The following CNKSR3 variants were observed in gnomAD, a reference collection of about 807,000 sequenced individuals.
CNKSR3 encodes CNKSR family member 3.
In CNKSR3, 36 loss-of-function variants were observed where a neutral mutation model predicts 67.7. The observed-to-expected ratio is 0.53, with a 90% CI of 0.41 to 0.70. CNKSR3 has a LOEUF of 0.70. Among genes scored for constraint, CNKSR3 ranks in the 30% least tolerant of loss-of-function variants. CNKSR3 has a pLI of 0.00. For missense variants in CNKSR3, 630 were observed against 695.2 expected, an observed-to-expected ratio of 0.91 and a Z score of 1.05; for synonymous variants, 281 against 271.4, an observed-to-expected ratio of 1.04 and a Z score of -0.35.
rs894217989 is a variant in CNKSR3, at chr6:154,411,598, C to T, written c.1071-456G>A. Among the ~76,000 whole-genome samples, 3 of 142,632 alleles carry T rather than the reference C, an allele frequency of 2.1e-5. No individual in the cohort carries two copies. In the Admixed American group the frequency reaches 2.2e-4, roughly 11 times the overall value. 93.6% of individuals were successfully genotyped at this position (142,632 alleles called of 152,430 possible). ...ACAGTGAGCTGAGATCATGCCACTG[C>T]ACTCCAGCCTGGGCAATGGAGCGAG... On this transcript the variant is annotated intron_variant, in intron 10 of 12. Coordinates refer to ENST00000607772, the MANE Select transcript of CNKSR3 (RefSeq NM_173515.4).
At chr6:154,411,914 C>G (rs1784920732) in intron 10 of CNKSR3, among the ~76,000 whole-genome samples, 1 of 152,288 alleles carries the variant, frequency 6.6e-6, no homozygotes, top group East Asian at 1.9e-4. Context: ...TTTATAGTAA[C>G]CAATGGAGAG....
intron 5 of CNKSR3, 127 bp from the exon 6 acceptor site, chr6:154,430,718 T>C: frequency 1.2e-6 from 1 of 867,114 alleles, no homozygotes; most frequent in Non-Finnish European, 1.8e-6. Context: ...TTGATAATTC[T>C]GCTCAGTGAA....
intron 9 of CNKSR3, among the ~76,000 whole-genome samples, chr6:154,421,111 T>G (rs1301113833): frequency 2.6e-5 from 4 of 152,154 alleles, no homozygotes; most frequent in Non-Finnish European, 4.4e-5. Flanking sequence ...CCTCCTGGGT[T>G]CAAGCAACTC....
At chr6:154,461,375 C>A (rs1403620585) in intron 1 of CNKSR3, among the ~76,000 whole-genome samples, 2 of 152,144 alleles carry the variant, frequency 1.3e-5, no homozygotes, top group African/African-American at 4.8e-5. Context: ...TTTGGCACCA[C>A]GGGATGCATT....
chr6:154,425,137 C>T (rs1482478898), intron 7 of CNKSR3, among the ~76,000 whole-genome samples: 2 of 152,188 alleles, frequency 1.3e-5, no homozygotes, highest in Non-Finnish European at 2.9e-5. Flanking sequence ...CCCTGTGTGC[C>T]AGATGCTTAA....
chr6:154,476,820 T>C (rs572630186), intron 1 of CNKSR3, among the ~76,000 whole-genome samples: 46 of 152,328 alleles, frequency 3.0e-4, no homozygotes, highest in African/African-American at 1.1e-3. Context: ...AAATTTATTT[T>C]AGAAAGGTTT....
At chr6:154,502,252 C>T (rs1787013222) in intron 1 of CNKSR3, among the ~76,000 whole-genome samples, 1 of 151,064 alleles carries the variant, frequency 6.6e-6, no homozygotes, top group African/African-American at 2.4e-5. Context: ...AGTGCAGTGG[C>T]ACGATCTCAG....
At chr6:154,419,477 G>A (rs1000861940) in intron 9 of CNKSR3, among the ~76,000 whole-genome samples, 3 of 152,322 alleles carry the variant, frequency 2.0e-5, no homozygotes, top group South Asian at 2.1e-4. Flanking sequence ...TGTTGGAATG[G>A]CTACTATCAA....
Position 154,389,102 on chromosome 6 carries a change from A to G in CNKSR3, c.*17252T>C, listed in dbSNP as rs1784579928. ...GTGAGAAGCTTTGTGATTTGATGTA[A>G]CTTTGCTTATTTTTGTTTTTGTTGC... On this transcript the variant is annotated 3_prime_UTR_variant, in exon 13 of 13. Transcript: ENST00000607772. 6.6e-6 allele frequency: 1 copy of G among 152,132 alleles called. No homozygotes were observed. The highest frequency in any genetic ancestry group is 2.1e-4 in the South Asian group (1 of 4,826). The allele number at this position is 152,132 out of a possible 1,614,324, so 9.4% of individuals were successfully genotyped here.
At chr6:154,436,680 C>T (rs1439814034) in intron 4 of CNKSR3, among the ~76,000 whole-genome samples, 4 of 152,050 alleles carry the variant, frequency 2.6e-5, no homozygotes, top group African/African-American at 9.7e-5. Context: ...CAGACTGAAA[C>T]TCAGCACCTG....
At chr6:154,410,721 T>G (rs1784892535) in intron 11 of CNKSR3, among the ~76,000 whole-genome samples, 1 of 152,136 alleles carries the variant, frequency 6.6e-6, no homozygotes, top group African/African-American at 2.4e-5. Flanking sequence ...TCTCACCCAG[T>G]TGGGCTTTCA....
At chr6:154,492,565 G>A (rs1444049682) in intron 1 of CNKSR3, among the ~76,000 whole-genome samples, 1 of 151,996 alleles carries the variant, frequency 6.6e-6, no homozygotes, top group African/African-American at 2.4e-5. Context: ...GGCCAACATG[G>A]TGAAACCCCA....
At chr6:154,413,536 G>GT (rs1784951638) in intron 10 of CNKSR3, among the ~76,000 whole-genome samples, 3 of 151,662 alleles carry the variant, frequency 2.0e-5, no homozygotes, top group Admixed American at 6.6e-5. Flanking sequence ...GGCCACATAG[G>GT]TTTTTTTTCA....
rs1162868514 is a variant in CNKSR3 at position 154,396,340 on chromosome 6, T to C, written c.*10014A>G. On this transcript the variant is annotated 3_prime_UTR_variant, in exon 13 of 13. Coordinates refer to ENST00000607772, the MANE Select transcript of CNKSR3 (RefSeq NM_173515.4). Reference sequence around the variant, plus strand: ...GATTGAGTTCTGACACCTGGTATAATGTTTTCTTTAAAATGAGAGCCAATG... The same window carrying C: ...GATTGAGTTCTGACACCTGGTATAACGTTTTCTTTAAAATGAGAGCCAATG... 1 of 152,234 alleles carries C rather than the reference T, an allele frequency of 6.6e-6. No individual in the cohort carries two copies. The highest frequency in any genetic ancestry group is 1.5e-5 in the Non-Finnish European group (1 of 68,048). 9.4% of individuals were successfully genotyped at this position (152,234 alleles called of 1,614,324 possible).
intron 1 of CNKSR3, among the ~76,000 whole-genome samples, chr6:154,476,141 C>T (rs1474703862): frequency 1.3e-5 from 2 of 152,038 alleles, no homozygotes; most frequent in Non-Finnish European, 2.9e-5. Flanking sequence ...CAAGTACATT[C>T]GCTTGACTTA....
chr6:154,431,888 A>G (rs888195155), intron 5 of CNKSR3, among the ~76,000 whole-genome samples: 3 of 152,110 alleles, frequency 2.0e-5, no homozygotes, highest in African/African-American at 7.2e-5. Flanking sequence ...GATGTACAAC[A>G]GTTTGTTTAT....
chr6:154,506,935 C>T (rs1028356701), intron 1 of CNKSR3, among the ~76,000 whole-genome samples: 21 of 152,212 alleles, frequency 1.4e-4, no homozygotes, highest in Non-Finnish European at 2.1e-4. Flanking sequence ...TAAAGATTGT[C>T]GGTGTGGTCT....
intron 2 of CNKSR3, among the ~76,000 whole-genome samples, chr6:154,448,945 A>T (rs1341308363): frequency 1.3e-5 from 2 of 152,200 alleles, no homozygotes; most frequent in African/African-American, 2.4e-5. Context: ...AATGCTGTCG[A>T]GTTTGTCCAA....
At chr6:154,489,753 G>A (rs1786750238) in intron 1 of CNKSR3, among the ~76,000 whole-genome samples, 1 of 152,090 alleles carries the variant, frequency 6.6e-6, no homozygotes, top group African/African-American at 2.4e-5. Context: ...CACTTCCAGA[G>A]AAAAAATTCC....
Sources: allele counts gnomAD v4.1 joint callset (sites outside exome capture counted in the v4.1 genomes callset), GRCh38; gene constraint gnomAD v4.1.1; transcripts MANE v1.5; gene names NCBI Gene and HGNC (gene_info 2026-07-23, HGNC 2026-07-21).